WDFY3: variants seen among roughly 807,000 people sequenced by gnomAD.
WDFY3 encodes WD repeat and FYVE domain-containing protein 3.
A neutral mutation model predicts 409.6 loss-of-function variants in WDFY3; 66 were observed. The ratio of observed to expected loss-of-function variants is 0.16; its 90% CI spans 0.13 to 0.20. The LOEUF (loss-of-function observed/expected upper bound fraction) is 0.20. WDFY3 is among the 10% of genes least tolerant of loss of function. The pLI is 1.00. For synonymous variants in WDFY3, 1,521 were observed against 1,537.1 expected (o/e 0.99, Z 0.25); for missense variants, 3,031 against 4,298.1 (o/e 0.71, Z 8.24).
At chr4:84,907,066 G>C (rs1265725258) in intron 2 of WDFY3, among the ~76,000 whole-genome samples, 1 of 152,092 alleles carries the variant, frequency 6.6e-6, no homozygotes, top group Admixed American at 6.6e-5. Flanking sequence ...TGTAGATATG[G>C]AGGGCTGAAT....
chr4:84,827,209 G>C (rs1221908722), intron 9 of WDFY3, among the ~76,000 whole-genome samples: 6 of 151,848 alleles, frequency 4.0e-5, no homozygotes, highest in Admixed American at 2.6e-4. Flanking sequence ...GATTTATTGG[G>C]TATTTCCCCT....
intron 25 of WDFY3, 121 bp from the exon 26 acceptor site, chr4:84,780,419 T>C (rs1746288619): frequency 1.9e-6 from 2 of 1,065,756 alleles, no homozygotes; most frequent in Non-Finnish European, 2.6e-6. Flanking sequence ...CTTCTGTCTA[T>C]AATGCAAATT....
At position 84,959,878 on chromosome 4, in the gene WDFY3, C is replaced by T. The variant is rs1774702449; in HGVS notation, c.-226+6331G>A. 2.0e-5 allele frequency among the ~76,000 whole-genome samples: 3 copies of T among 152,110 alleles called. No homozygotes were observed. The South Asian group carries it at 6.2e-4, about 32-fold the overall frequency. ...TACACTTAACTAGGAATAAACATTACAGTATTAGATGAGAATTAGCCTAAA... is the reference window on the plus strand; with the variant it reads ...TACACTTAACTAGGAATAAACATTATAGTATTAGATGAGAATTAGCCTAAA... On this transcript the variant is annotated intron_variant, in intron 1 of 67. Coordinates refer to ENST00000295888, the MANE Select transcript of WDFY3 (RefSeq NM_014991.6).
At position 84,849,969 on chromosome 4, in the gene WDFY3, C is replaced by T; in HGVS notation, c.237G>A (p.Gln79=). The change falls in exon 5 of 68, where the codon CAG becomes CAA. Residue 79 remains glutamine, a synonymous_variant. Transcript: ENST00000295888. ...TMTEKFSDLL[Q]FTTQVSRLMV... ...TTAGTCGTGAGACTTGTGTTGTGAA[C>T]TGCAGAAGATCAGAAAATTTTTCTG... 6.2e-6 allele frequency: 10 copies of T among 1,610,194 alleles called. No individual in the cohort carries two copies. The highest frequency in any genetic ancestry group is 8.5e-6 in the Non-Finnish European group (10 of 1,178,612).
intron 2 of WDFY3, among the ~76,000 whole-genome samples, chr4:84,925,437 T>A (rs116619473): frequency 0.021 from 3,175 of 152,194 alleles, 51 homozygotes; most frequent in Middle Eastern, 0.044. Flanking sequence ...ACAAGAAAGT[T>A]GGTCTGGACT....
intron 6 of WDFY3, 120 bp downstream of exon 6, chr4:84,841,034 G>A: frequency 1.2e-6 from 1 of 817,488 alleles, no homozygotes; most frequent in South Asian, 1.9e-5. Flanking sequence ...AAAGTTAGAA[G>A]AATACAAATG....
At chr4:84,840,579 T>A (rs1329741987) in intron 6 of WDFY3, among the ~76,000 whole-genome samples, 1 of 151,878 alleles carries the variant, frequency 6.6e-6, no homozygotes, top group Non-Finnish European at 1.5e-5. Context: ...ACAAATGGTA[T>A]CATTAAAATA....
chr4:84,761,264 G>T (rs1349218786), intron 32 of WDFY3, among the ~76,000 whole-genome samples: 4 of 152,192 alleles, frequency 2.6e-5, no homozygotes, highest in Admixed American at 2.6e-4. Context: ...GTGTGTTGCT[G>T]AAAAAAATGT....
chr4:84,766,840 C>T (rs1266973058), intron 30 of WDFY3, among the ~76,000 whole-genome samples: 1 of 152,158 alleles, frequency 6.6e-6, no homozygotes, highest in African/African-American at 2.4e-5. Flanking sequence ...TTAAATAGCA[C>T]AGAAGAAAGG....
intron 51 of WDFY3, among the ~76,000 whole-genome samples, chr4:84,712,773 T>C (rs1456735906): frequency 1.3e-5 from 2 of 152,086 alleles, no homozygotes; most frequent in Non-Finnish European, 2.9e-5. Context: ...AAAAATTACA[T>C]GATGTTTTAT....
rs767642484 is a variant in WDFY3 at position 84,794,663 on chromosome 4, G to T, written c.3343C>A (p.Pro1115Thr). ...WFCIEHFSSPPNNHPVRLLTV... is the reference protein window; with the variant it reads ...WFCIEHFSSPTNNHPVRLLTV... ...AGAAGTCTGACAGGGTGGTTATTTG[G>T]AGGAGAACTAAAATGTTCAATACAA... Residue 1115 changes from proline (P) to threonine (T), a missense_variant, in exon 21 of 68, where the codon CCA becomes ACA. Coordinates refer to ENST00000295888, the MANE Select transcript of WDFY3 (RefSeq NM_014991.6). The T allele has an allele frequency of 3.1e-6, 5 of 1,613,852 alleles. No individual in the cohort carries two copies. In the South Asian group the frequency reaches 4.4e-5, roughly 14 times the overall value.
At chr4:84,726,826 T>G (rs563073983) in intron 45 of WDFY3, 35 bp downstream of exon 45, 1 of 1,576,948 alleles carries the variant, frequency 6.3e-7, no homozygotes, top group African/African-American at 1.4e-5. Context: ...AAACTACAAG[T>G]AGTTTACATT....
intron 4 of WDFY3, among the ~76,000 whole-genome samples, chr4:84,850,871 A>T (rs1248270667): frequency 2.0e-5 from 3 of 149,226 alleles, no homozygotes; most frequent in East Asian, 3.9e-4. Flanking sequence ...TTTTACACAA[A>T]TTTTAAAATA....
At chr4:84,862,730 G>GT (rs1760819861) in intron 3 of WDFY3, among the ~76,000 whole-genome samples, 1 of 152,110 alleles carries the variant, frequency 6.6e-6, no homozygotes, top group African/African-American at 2.4e-5. Flanking sequence ...GCTGACGCCT[G>GT]TAATCCCAGC....
At chr4:84,773,597 A>C (rs891357780) in intron 29 of WDFY3, among the ~76,000 whole-genome samples, 10 of 152,204 alleles carry the variant, frequency 6.6e-5, no homozygotes, top group African/African-American at 2.4e-4. Flanking sequence ...TTAGGGAATA[A>C]TTTCAGCAAA....
At chr4:84,782,349 T>C (rs1408896160) in intron 25 of WDFY3, among the ~76,000 whole-genome samples, 3 of 151,276 alleles carry the variant, frequency 2.0e-5, no homozygotes, top group Admixed American at 6.7e-5. Flanking sequence ...TGATCATTAC[T>C]GACAAGAGGG....
intron 10 of WDFY3, among the ~76,000 whole-genome samples, chr4:84,826,486 T>A (rs376135373): frequency 1.3e-5 from 2 of 152,142 alleles, no homozygotes; most frequent in African/African-American, 2.4e-5. Context: ...GAAAATTGAG[T>A]TCTATCCACG....
At chr4:84,713,699 T>C (rs902385347) in intron 50 of WDFY3, among the ~76,000 whole-genome samples, 1 of 152,232 alleles carries the variant, frequency 6.6e-6, no homozygotes, top group Non-Finnish European at 1.5e-5. Flanking sequence ...CCAGGATCTG[T>C]ATCACCCTTC....
In WDFY3 at chr4:84,726,908, C is replaced by T; in HGVS notation, c.7225G>A (p.Glu2409Lys). Residue 2409 changes from glutamate (E) to lysine (K), a missense_variant, in exon 45 of 68, where the codon GAG (glutamate) becomes AAG (lysine). Around this residue, in one of 16 missense-constraint regions of WDFY3, gnomAD observed 127 missense variants for 144.4 expected, o/e 0.88. Coordinates refer to ENST00000295888, the MANE Select transcript of WDFY3 (RefSeq NM_014991.6). Reference protein sequence around the residue: ...ETEQETNVASEIPSKQPETPD... With the variant: ...ETEQETNVASKIPSKQPETPD... Reference sequence around the variant, plus strand: ...GTCTCAGGCTGTTTACTTGGGATCTCAGACTGAAAACAGGGTATTAAGTAT... The same window carrying T: ...GTCTCAGGCTGTTTACTTGGGATCTTAGACTGAAAACAGGGTATTAAGTAT... The T allele has an allele frequency of 2.5e-6, 4 of 1,604,806 alleles. No individual in the cohort carries two copies. Among genetic ancestry groups the T allele is most frequent in the Non-Finnish European group, 3.4e-6 (4 of 1,177,272 alleles).
Sources: allele counts gnomAD v4.1 joint callset (sites outside exome capture counted in the v4.1 genomes callset), GRCh38; gene constraint gnomAD v4.1.1; regional missense constraint gnomAD v4.1.1; transcripts MANE v1.5; gene names NCBI Gene and HGNC (gene_info 2026-07-23, HGNC 2026-07-21).